Variants in RASSF5 observed in about 807,000 individuals in gnomAD.
The protein encoded by RASSF5 is Ras association domain family member 5, also known as ras association domain-containing protein 5.
A neutral mutation model predicts 40.5 loss-of-function variants in RASSF5; 25 were observed. The ratio of observed to expected loss-of-function variants is 0.62; its 90% CI spans 0.45 to 0.86. The LOEUF is 0.86. Ranked by LOEUF, RASSF5 falls within the 40% of genes least tolerant of loss-of-function variation. The pLI is 0.00. For missense variants in RASSF5, 521 were observed against 572.8 expected (o/e 0.91, Z 0.92); for synonymous variants, 246 against 252.4 (o/e 0.97, Z 0.24).
chr1:206,529,580 T>C (rs1667184652), intron 1 of RASSF5: 1 of 797,688 alleles, frequency 1.3e-6, no homozygotes, highest in Admixed American at 1.7e-5. Flanking sequence ...TCAGGACCGA[T>C]TACAATGACA....
At chr1:206,511,866 A>C (rs189240044) in intron 1 of RASSF5, among the ~76,000 whole-genome samples, 1 of 152,174 alleles carries the variant, frequency 6.6e-6, no homozygotes, top group Non-Finnish European at 1.5e-5. Context: ...ACAGCCCCCG[A>C]TCCTGCAGAC....
intron 2 of RASSF5, among the ~76,000 whole-genome samples, chr1:206,556,341 T>TC (rs1667986218): frequency 6.6e-6 from 1 of 152,182 alleles, no homozygotes; most frequent in Admixed American, 6.5e-5. Context: ...TTGGAATGAG[T>TC]CAATGATAGA....
Position 206,551,239 on chromosome 1 carries a change from A to T in RASSF5, c.579+12946A>T, listed in dbSNP as rs534053359. On this transcript the variant is annotated intron_variant, in intron 2 of 5. Coordinates refer to ENST00000579436, the MANE Select transcript of RASSF5 (RefSeq NM_182663.4). ...TTAGCTTCCAAACCCCAAATTTGGC[A>T]CTGATTTCTTCTATTCTGACTCCTT... is the stretch of plus-strand genomic sequence containing the variant. Among the ~76,000 whole-genome samples the T allele has an allele frequency of 9.2e-5, 14 of 152,266 alleles. No individual in the cohort carries two copies. In the South Asian group the frequency reaches 2.9e-3, roughly 32 times the overall value.
At chr1:206,566,440 G>A (rs557983136) in intron 2 of RASSF5, among the ~76,000 whole-genome samples, 4 of 152,130 alleles carry the variant, frequency 2.6e-5, no homozygotes, top group African/African-American at 2.4e-5. Flanking sequence ...CCTCCAATTC[G>A]TGAACCCCTC....
chr1:206,552,107 C>A lies in RASSF5; in HGVS notation c.579+13814C>A, dbSNP rs1017575730. On this transcript the variant is annotated intron_variant, in intron 2 of 5. Coordinates refer to ENST00000579436, the MANE Select transcript of RASSF5 (RefSeq NM_182663.4). The surrounding 1 kb of genome is among the most constrained non-coding windows in gnomAD (Gnocchi z 4.1). ...AGGCCTATCGAAGCTGTTAGCCTGG[C>A]AGCCAATCAGAAGTGTGGTGTGGGT... Among the ~76,000 whole-genome samples, 1 of 152,208 alleles carries A rather than the reference C, an allele frequency of 6.6e-6. No homozygotes were observed. Among genetic ancestry groups the A allele is most frequent in the African/African-American group, 2.4e-5 (1 of 41,450 alleles).
intron 1 of RASSF5, among the ~76,000 whole-genome samples, chr1:206,528,368 GA>G (rs1239575962): frequency 6.6e-6 from 1 of 152,116 alleles, no homozygotes; most frequent in African/African-American, 2.4e-5. Context: ...TAAATCTATG[GA>G]AACAGTTAAA....
intron 2 of RASSF5, among the ~76,000 whole-genome samples, chr1:206,548,449 C>A (rs1553400573): frequency 6.6e-6 from 1 of 152,128 alleles, no homozygotes; most frequent in African/African-American, 2.4e-5. Context: ...AGGAACAATA[C>A]GAGATGCTCA....
At position 206,507,647 on chromosome 1, in the gene RASSF5, A is replaced by G. The variant is rs782017573; in HGVS notation, c.45A>G (p.Leu15=). The change falls in exon 1 of 6, where the codon CTA becomes CTG. Residue 15 remains leucine, a synonymous_variant. Coordinates refer to ENST00000579436, the MANE Select transcript of RASSF5 (RefSeq NM_182663.4). ...SPAIGQRPYP[L]LLDPEPPRYL... Reference sequence around the variant, plus strand: ...CCATCGGGCAGCGCCCGTACCCGCTACTATTGGACCCCGAGCCGCCGCGCT... The same window carrying G: ...CCATCGGGCAGCGCCCGTACCCGCTGCTATTGGACCCCGAGCCGCCGCGCT... The G allele has an allele frequency of 3.3e-6, 5 of 1,534,296 alleles. No individual in the cohort carries two copies. The highest frequency in any genetic ancestry group is 2.9e-5 in the African/African-American group (2 of 69,604).
intron 2 of RASSF5, among the ~76,000 whole-genome samples, chr1:206,578,267 T>TGTGTA (rs1668734522): frequency 6.6e-6 from 1 of 151,262 alleles, no homozygotes; most frequent in Non-Finnish European, 1.5e-5. Context: ...TGTGTGTAAG[T>TGTGTA]AGATGCTTAC....
In RASSF5 at chr1:206,587,088, C is replaced by A; in HGVS notation, c.*110C>A. On this transcript the variant is annotated 3_prime_UTR_variant, in exon 6 of 6. Transcript: ENST00000579436. ...ACATCTCTGGCAGGTGCATTTGTGC[C>A]TGCCCAGCAGTTCCAGCTGTGGCAA... is the stretch of plus-strand genomic sequence containing the variant. The A allele has an allele frequency of 7.3e-7, 1 of 1,374,258 alleles. No individual in the cohort carries two copies. Among genetic ancestry groups the A allele is most frequent in the Non-Finnish European group, 1.0e-6 (1 of 992,428 alleles). The allele number at this position is 1,374,258 out of a possible 1,614,324, so 85.1% of individuals were successfully genotyped here. A position where few individuals can be genotyped will look rare whatever the true frequency, so the allele number is the denominator to read the frequency against.
intron 2 of RASSF5, among the ~76,000 whole-genome samples, chr1:206,554,143 C>A (rs112944510): frequency 1.3e-5 from 2 of 152,166 alleles, no homozygotes; most frequent in Non-Finnish European, 2.9e-5. Context: ...TGGTTTTCAG[C>A]CTCTCTATAT....
chr1:206,514,374 G>A (rs1398152460), intron 1 of RASSF5, among the ~76,000 whole-genome samples: 1 of 152,228 alleles, frequency 6.6e-6, no homozygotes, highest in Middle Eastern at 3.2e-3. Context: ...GGATCGGGGG[G>A]AATGCAAGAT....
At chr1:206,518,891 G>C (rs1265803440) in intron 1 of RASSF5, among the ~76,000 whole-genome samples, 2 of 151,112 alleles carry the variant, frequency 1.3e-5, no homozygotes, top group African/African-American at 2.4e-5. Context: ...GATGGCCACT[G>C]TTTTCCATTC....
intron 1 of RASSF5, among the ~76,000 whole-genome samples, chr1:206,510,197 A>G (rs1418588840): frequency 1.3e-5 from 2 of 152,184 alleles, no homozygotes; most frequent in African/African-American, 4.8e-5. Flanking sequence ...GTCTGATTCC[A>G]TGGTGAGGTT....
In RASSF5 at chr1:206,566,925, G is replaced by T. The variant is rs570768515; in HGVS notation, c.580-16344G>T. Among the ~76,000 whole-genome samples, 5 of 152,308 alleles carry T rather than the reference G, an allele frequency of 3.3e-5. No homozygotes were observed. The East Asian group carries it at 7.7e-4, about 23-fold the overall frequency. On this transcript the variant is annotated intron_variant, in intron 2 of 5. Transcript: ENST00000579436. ...TGTGGGTTTGACAGAGGAGGAGTGGGTTTGGAGCTTCTTTCCCAGGGGACA... is the reference window on the plus strand; with the variant it reads ...TGTGGGTTTGACAGAGGAGGAGTGGTTTTGGAGCTTCTTTCCCAGGGGACA...
rs1484258273 is a variant in RASSF5 at position 206,588,657 on chromosome 1, C to T, written c.*1679C>T. On this transcript the variant is annotated 3_prime_UTR_variant, in exon 6 of 6. Coordinates refer to ENST00000579436, the MANE Select transcript of RASSF5 (RefSeq NM_182663.4). ...CTGATCCCAGAAGGAATGCTGACCC[C>T]TCGTCGTATGAACTGTGCATAGTCT... 7 of 152,426 alleles carry T rather than the reference C, an allele frequency of 4.6e-5. No individual in the cohort carries two copies. The highest frequency in any genetic ancestry group is 8.8e-5 in the Non-Finnish European group (6 of 68,074). The allele number at this position is 152,426 out of a possible 1,614,324, so 9.4% of individuals were successfully genotyped here. A position where few individuals can be genotyped will look rare whatever the true frequency, so the allele number is the denominator to read the frequency against.
chr1:206,566,663 T>G (rs553057896), intron 2 of RASSF5, among the ~76,000 whole-genome samples: 1 of 152,178 alleles, frequency 6.6e-6, no homozygotes. Flanking sequence ...GCACCTATAA[T>G]GTCGATGCTC....
chr1:206,589,133 C>T lies in RASSF5; in HGVS notation c.*2155C>T, dbSNP rs1009855874. ...ATAGTATCGAGTACCCGTTCCCTCC[C>T]AGAGGTGGGAGTAACTGCTGGTAGT... is the stretch of plus-strand genomic sequence containing the variant. On this transcript the variant is annotated 3_prime_UTR_variant, in exon 6 of 6. Transcript: ENST00000579436. 1.3e-5 allele frequency: 2 copies of T among 152,748 alleles called. No homozygotes were observed. Among genetic ancestry groups the T allele is most frequent in the African/African-American group, 2.4e-5 (1 of 41,432 alleles). 9.5% of individuals were successfully genotyped at this position (152,748 alleles called of 1,614,324 possible). A position where few individuals can be genotyped will look rare whatever the true frequency, so the allele number is the denominator to read the frequency against.
At chr1:206,556,652 G>A (rs76236650) in intron 2 of RASSF5, among the ~76,000 whole-genome samples, 3,557 of 152,302 alleles carry the variant, frequency 0.023, 130 homozygotes, top group African/African-American at 0.081. Context: ...AAGGCAGCTT[G>A]CTCTCTAGGT....
Sources: gnomAD v4.1 joint callset for allele counts (sites outside exome capture counted in the v4.1 genomes callset) on GRCh38, gnomAD v4.1.1 for gene constraint, Gnocchi (gnomAD v3.1) non-coding constraint, MANE v1.5 for transcripts, NCBI Gene and HGNC (gene_info 2026-07-23, HGNC 2026-07-21) for gene names.